VTI1A: variants seen among roughly 807,000 people sequenced by gnomAD.
VTI1A encodes the protein vesicle transport through interaction with t-SNAREs homolog 1A.
VTI1A carries 22 observed loss-of-function variants against 34.9 expected under a neutral mutation model. The observed-to-expected ratio is 0.63, with a 90% confidence interval of 0.45 to 0.90. The LOEUF is 0.90. Ranked by LOEUF, VTI1A falls within the 40% of genes least tolerant of loss-of-function variation. VTI1A has a pLI of 0.00. For missense variants in VTI1A, 268 were observed against 275.6 expected (o/e 0.97, Z 0.20); for synonymous variants, 87 against 97.3 (o/e 0.89, Z 0.62).
rs1186800757 is a variant in VTI1A at position 112,707,661 on chromosome 10, A to G, written c.560+38663A>G. Among the ~76,000 whole-genome samples the G allele has an allele frequency of 2.0e-5, 3 of 152,122 alleles. No homozygotes were observed. In the East Asian group the frequency reaches 5.8e-4, roughly 29 times the overall value. On this transcript the variant is annotated intron_variant, in intron 7 of 7. Coordinates refer to ENST00000393077, the MANE Select transcript of VTI1A (RefSeq NM_145206.4). ...AACTATTGTTAATAACTTTGTATAT[A>G]TTCTCCTCCCTTTTATGTATATTTT...
intron 3 of VTI1A, among the ~76,000 whole-genome samples, chr10:112,478,964 C>T (rs546133476): frequency 7.2e-5 from 11 of 152,150 alleles, no homozygotes; most frequent in Admixed American, 2.6e-4. Context: ...GTCAAGAGAT[C>T]GAGACCATCC....
intron 5 of VTI1A, among the ~76,000 whole-genome samples, chr10:112,653,862 A>G (rs538266232): frequency 3.9e-5 from 6 of 152,292 alleles, no homozygotes; most frequent in African/African-American, 1.4e-4. Context: ...TCCCATCCCA[A>G]CTTGTTAATA....
rs538392163 is a variant in VTI1A, at chr10:112,787,650, C to CTAATACTTAG, written c.561-27639_561-27630dup. 3.2e-3 allele frequency among the ~76,000 whole-genome samples: 478 copies of CTAATACTTAG among 149,058 alleles called. 3 individuals are homozygous for CTAATACTTAG. The highest frequency in any genetic ancestry group is 0.011 in the African/African-American group (458 of 40,420). On this transcript the variant is annotated intron_variant, in intron 7 of 7. Transcript: ENST00000393077. ...CTTTAGAAATGTGTTACTCAATTATCTAATACTTAGGACTTACCAAATTAG... is the reference window on the plus strand; with the variant it reads ...CTTTAGAAATGTGTTACTCAATTATCTAATACTTAGTAATACTTAGGACTTACCAAATTAG...
intron 7 of VTI1A, among the ~76,000 whole-genome samples, chr10:112,691,356 G>A (rs1243763135): frequency 1.3e-5 from 2 of 152,142 alleles, no homozygotes; most frequent in African/African-American, 4.8e-5. Context: ...ACAACTGTTG[G>A]ATGGGAAGAT....
At chr10:112,497,449 T>G (rs1849069068) in intron 3 of VTI1A, among the ~76,000 whole-genome samples, 3 of 152,248 alleles carry the variant, frequency 2.0e-5, no homozygotes, top group Admixed American at 2.0e-4. Flanking sequence ...GCTTCAGTTT[T>G]CCTATCTGTA....
chr10:112,745,375 A>AT (rs201134516), intron 7 of VTI1A, among the ~76,000 whole-genome samples: 6 of 151,046 alleles, frequency 4.0e-5, no homozygotes, highest in East Asian at 2.0e-4. Flanking sequence ...TAGGATTTGG[A>AT]TTTTTTTTTC....
At chr10:112,544,594 CAACA>C (rs1395841334) in intron 5 of VTI1A, among the ~76,000 whole-genome samples, 11 of 150,730 alleles carry the variant, frequency 7.3e-5, no homozygotes, top group Non-Finnish European at 1.3e-4. Flanking sequence ...CCAGCCTGCA[CAACA>C]TAGCAAGACC....
chr10:112,788,848 C>T (rs548097406), intron 7 of VTI1A, among the ~76,000 whole-genome samples: 1 of 152,018 alleles, frequency 6.6e-6, no homozygotes, highest in Middle Eastern at 3.4e-3. Flanking sequence ...TCAGTCTTTG[C>T]TCTAGGAATT....
chr10:112,507,863 TCTTA>T (rs776296210), intron 3 of VTI1A, among the ~76,000 whole-genome samples: 8 of 152,170 alleles, frequency 5.3e-5, no homozygotes, highest in Non-Finnish European at 1.0e-4. Context: ...GCTGGTTTCT[TCTTA>T]CTTAGATCTG....
intron 5 of VTI1A, among the ~76,000 whole-genome samples, chr10:112,632,387 A>G (rs1259406458): frequency 1.3e-5 from 2 of 152,228 alleles, no homozygotes; most frequent in South Asian, 2.1e-4. Flanking sequence ...TTTATTTTAA[A>G]AGAGTTCTTT....
chr10:112,509,502 A>G (rs530513864), intron 3 of VTI1A, among the ~76,000 whole-genome samples: 6 of 152,218 alleles, frequency 3.9e-5, no homozygotes, highest in Non-Finnish European at 7.3e-5. Flanking sequence ...TCCAGTTTAC[A>G]TATCAGGCGT....
intron 1 of VTI1A, among the ~76,000 whole-genome samples, chr10:112,454,941 T>A (rs1022552277): frequency 3.9e-5 from 6 of 151,972 alleles, no homozygotes; most frequent in Non-Finnish European, 8.8e-5. Context: ...GTTTTAAGGA[T>A]TGACTATAAC....
chr10:112,839,996 G>A, the VTI1A span, among the ~76,000 whole-genome samples: 2 of 152,144 alleles, frequency 1.3e-5, no homozygotes, highest in East Asian at 1.9e-4. Flanking sequence ...TTGGACAGCT[G>A]TGAGGATAAA....
At chr10:112,502,497 A>G (rs1370497071) in intron 3 of VTI1A, among the ~76,000 whole-genome samples, 2 of 152,244 alleles carry the variant, frequency 1.3e-5, no homozygotes, top group East Asian at 3.8e-4. Flanking sequence ...TGAATGGTTA[A>G]CAAATGTGAT....
chr10:112,613,071 A>C, intron 5 of VTI1A, among the ~76,000 whole-genome samples: 1 of 152,180 alleles, frequency 6.6e-6, no homozygotes, highest in East Asian at 1.9e-4. Flanking sequence ...AACAGAGTGA[A>C]TAAATATTAC....
At chr10:112,722,565 G>C (rs771933305) in intron 7 of VTI1A, among the ~76,000 whole-genome samples, 1 of 152,138 alleles carries the variant, frequency 6.6e-6, no homozygotes, top group Non-Finnish European at 1.5e-5. Flanking sequence ...GCAACATGCT[G>C]TTGTTCTTTG....
At chr10:112,589,270 A>G (rs913842217) in intron 5 of VTI1A, among the ~76,000 whole-genome samples, 4 of 152,080 alleles carry the variant, frequency 2.6e-5, no homozygotes, top group South Asian at 2.1e-4. Context: ...TAATTGAATC[A>G]TGGGGTCAGT....
chr10:112,713,423 G>A (rs948975748), intron 7 of VTI1A, among the ~76,000 whole-genome samples: 2 of 151,970 alleles, frequency 1.3e-5, no homozygotes, highest in Admixed American at 6.6e-5. Context: ...GCATTATCTC[G>A]TTTAGTTTCA....
At chr10:112,680,395 C>G (rs2133858093) in intron 7 of VTI1A, among the ~76,000 whole-genome samples, 1 of 152,164 alleles carries the variant, frequency 6.6e-6, no homozygotes, top group East Asian at 1.9e-4. Context: ...GAAGTTGAGT[C>G]TTGCCCAAGT....
Sources: gnomAD v4.1 joint callset for allele counts (sites outside exome capture counted in the v4.1 genomes callset) on GRCh38, gnomAD v4.1.1 for gene constraint, MANE v1.5 for transcripts, NCBI Gene and HGNC (gene_info 2026-07-23, HGNC 2026-07-21) for gene names.